RAB40B: variants seen among roughly 807,000 people sequenced by gnomAD.
RAB40B encodes ras-related protein Rab-40B.
RAB40B carries 21 observed loss-of-function variants against 24.0 expected under a neutral mutation model. The ratio of observed to expected loss-of-function variants is 0.88; its 90% CI spans 0.62 to 1.26. RAB40B has a LOEUF of 1.26. Ranked by LOEUF, RAB40B falls within the 50% of genes most tolerant of loss-of-function variation. The pLI is 0.00. For synonymous variants in RAB40B, 167 were observed against 169.8 expected, an observed-to-expected ratio of 0.98 and a Z score of 0.13; for missense variants, 348 against 390.5, an observed-to-expected ratio of 0.89 and a Z score of 0.92.
At chr17:82,680,700 T>C (rs1158664786) in intron 1 of RAB40B, among the ~76,000 whole-genome samples, 1 of 152,186 alleles carries the variant, frequency 6.6e-6, no homozygotes, top group Non-Finnish European at 1.5e-5. Flanking sequence ...TTTAACATTT[T>C]TCATATGAAG....
At chr17:82,664,884 G>A in intron 1 of RAB40B, 1 of 257,620 alleles carries the variant, frequency 3.9e-6, no homozygotes, top group South Asian at 5.3e-5. Flanking sequence ...GTGGCCGCTG[G>A]GTGTGCCCCC....
chr17:82,693,064 G>A (rs2046574494), intron 1 of RAB40B, among the ~76,000 whole-genome samples: 1 of 151,682 alleles, frequency 6.6e-6, no homozygotes, highest in Admixed American at 6.6e-5. Context: ...GTGCAGTGGT[G>A]CGATCTCAGC....
At chr17:82,680,055 C>G (rs982455045) in intron 1 of RAB40B, among the ~76,000 whole-genome samples, 1 of 152,234 alleles carries the variant, frequency 6.6e-6, no homozygotes, top group Non-Finnish European at 1.5e-5. Flanking sequence ...GGCTGGACAT[C>G]TTGTGACCAC....
rs1324272563 is a variant in RAB40B, at chr17:82,675,838, A to G, written c.143-11282T>C. Among the ~76,000 whole-genome samples the G allele has an allele frequency of 6.6e-6, 1 of 152,090 alleles. No homozygotes were observed. Among genetic ancestry groups the G allele is most frequent in the Non-Finnish European group, 1.5e-5 (1 of 68,008 alleles). On this transcript the variant is annotated intron_variant, in intron 1 of 5. Coordinates refer to ENST00000571995, the MANE Select transcript of RAB40B (RefSeq NM_006822.3). The surrounding 1 kb of genome is among the most constrained non-coding windows in gnomAD (Gnocchi z 4.5). ...ACCCGAATTTGGGGGGGTCACAAAC[A>G]TTCACTCTCTTGCAGGCGGGTGGGG... is the stretch of plus-strand genomic sequence containing the variant.
chr17:82,662,169 A>C, intron 2 of RAB40B: 1 of 985,482 alleles, frequency 1.0e-6, no homozygotes, highest in Non-Finnish European at 1.2e-6. Context: ...ACGAGAGAGA[A>C]GGGCCTGGGG....
intron 1 of RAB40B, among the ~76,000 whole-genome samples, chr17:82,683,405 A>C (rs1347471755): frequency 1.3e-5 from 2 of 152,262 alleles, no homozygotes; most frequent in Admixed American, 6.5e-5. Flanking sequence ...ACTTGAAAAC[A>C]CATTTCTGGG....
chr17:82,689,241 G>A (rs975497018), intron 1 of RAB40B, among the ~76,000 whole-genome samples: 1 of 152,254 alleles, frequency 6.6e-6, no homozygotes. Context: ...GAGCAGGTGC[G>A]GCTGGCAGGA....
At chr17:82,679,232 C>T (rs1298670502) in intron 1 of RAB40B, among the ~76,000 whole-genome samples, 3 of 151,608 alleles carry the variant, frequency 2.0e-5, no homozygotes, top group Non-Finnish European at 4.4e-5. Context: ...CCACCTTCTC[C>T]GGTAGCCTGA....
At position 82,657,917 on chromosome 17, in the gene RAB40B, G is replaced by GGC; in HGVS notation, c.782_783insGC (p.Gln264ProfsTer89). On this transcript the variant is annotated frameshift_variant, in exon 6 of 6. Coordinates refer to ENST00000571995, the MANE Select transcript of RAB40B (RefSeq NM_006822.3). LOFTEE classifies it low-confidence loss of function (END_TRUNC). ...AGTTTTTGGGGGGGCTCTGGGGGGGGCGGACGAGCTTCACTTTGCGGAGGC... is the reference window on the plus strand; with the variant it reads ...AGTTTTTGGGGGGGCTCTGGGGGGGGGCCGGACGAGCTTCACTTTGCGGAGGC... 3 of 1,026,166 alleles carry GGC rather than the reference G, an allele frequency of 2.9e-6. No individual in the cohort carries two copies. The highest frequency in any genetic ancestry group is 4.4e-6 in the Non-Finnish European group (3 of 685,688). The allele number at this position is 1,026,166 out of a possible 1,614,324, so 63.6% of individuals were successfully genotyped here.
At chr17:82,664,667 C>T in intron 1 of RAB40B, 111 bp from the exon 2 acceptor site, 2 of 1,074,768 alleles carry the variant, frequency 1.9e-6, no homozygotes, top group Non-Finnish European at 2.7e-6. Context: ...TCCAGGTTTA[C>T]AAGGCAGGCG....
rs1188822836 is a variant in RAB40B, at chr17:82,662,268, G to A, written c.204-1221C>T. The A allele has an allele frequency of 1.3e-5, 13 of 985,476 alleles. No homozygotes were observed. In the East Asian group the frequency reaches 5.7e-4, roughly 43 times the overall value. 61.0% of individuals were successfully genotyped at this position (985,476 alleles called of 1,614,324 possible). ...AGAAGCAAATTGATCTAGAATTCAAGCCTCAGCAGGACCTCAGGTGCTCAG... is the reference window on the plus strand; with the variant it reads ...AGAAGCAAATTGATCTAGAATTCAAACCTCAGCAGGACCTCAGGTGCTCAG... On this transcript the variant is annotated intron_variant, in intron 2 of 5. Coordinates refer to ENST00000571995, the MANE Select transcript of RAB40B (RefSeq NM_006822.3).
chr17:82,661,845 C>T, intron 2 of RAB40B: 1 of 883,510 alleles, frequency 1.1e-6, no homozygotes, highest in Non-Finnish European at 1.3e-6. Context: ...TGATATCGTG[C>T]CACTGCACTC....
chr17:82,671,377 C>G (rs1443514300), intron 1 of RAB40B, among the ~76,000 whole-genome samples: 1 of 150,650 alleles, frequency 6.6e-6, no homozygotes, highest in East Asian at 2.0e-4. Context: ...CACACACTCT[C>G]ACACACATCC....
Position 82,667,360 on chromosome 17 carries a change from C to T in RAB40B, c.143-2804G>A, listed in dbSNP as rs1402616129. Among the ~76,000 whole-genome samples the T allele has an allele frequency of 6.6e-6, 1 of 152,230 alleles. No homozygotes were observed. The highest frequency in any genetic ancestry group is 1.5e-5 in the Non-Finnish European group (1 of 68,038). On this transcript the variant is annotated intron_variant, in intron 1 of 5. Transcript: ENST00000571995. The surrounding 1 kb of genome is among the most constrained non-coding windows in gnomAD (Gnocchi z 4.3). ...CAGGCAGGCCTGGGCGTTGCAGCAG[C>T]TCTGGGCCTCTGTCCTCCACTTTCC...
chr17:82,658,337 C>G, intron 5 of RAB40B, 154 bp downstream of exon 5: 2 of 1,082,370 alleles, frequency 1.8e-6, no homozygotes, highest in South Asian at 3.0e-5. Context: ...TCTGACAAAG[C>G]TGTAGTCATT....
chr17:82,685,223 G>A (rs1428915709), intron 1 of RAB40B, among the ~76,000 whole-genome samples: 1 of 144,006 alleles, frequency 6.9e-6, no homozygotes, highest in Admixed American at 6.9e-5. Context: ...GAATGGGGAG[G>A]GGGAGGGAGG....
rs760524386 is a variant in RAB40B, at chr17:82,657,800, C to G, written c.*63G>C. ...CCGGGATCTGAGATGCATCCACCAG[C>G]TGCCGGGGGTAACGCCGAGCTTCTC... On this transcript the variant is annotated 3_prime_UTR_variant, in exon 6 of 6. Coordinates refer to ENST00000571995, the MANE Select transcript of RAB40B (RefSeq NM_006822.3). 6.3e-7 allele frequency: 1 copy of G among 1,579,480 alleles called. No individual in the cohort carries two copies. Among genetic ancestry groups the G allele is most frequent in the Non-Finnish European group, 8.7e-7 (1 of 1,149,240 alleles).
intron 1 of RAB40B, among the ~76,000 whole-genome samples, chr17:82,695,993 C>T (rs113949319): frequency 3.3e-5 from 5 of 152,180 alleles, no homozygotes; most frequent in African/African-American, 1.2e-4. Context: ...CCTCAGCCTC[C>T]CGAGTAGCTG....
intron 1 of RAB40B, among the ~76,000 whole-genome samples, chr17:82,674,567 A>C (rs2046376980): frequency 6.7e-6 from 1 of 149,394 alleles, no homozygotes; most frequent in East Asian, 2.0e-4. Context: ...TGAACCCAGG[A>C]GGCGGAGCTT....
Sources: gnomAD v4.1 joint callset for allele counts (sites outside exome capture counted in the v4.1 genomes callset) on GRCh38, gnomAD v4.1.1 for gene constraint, Gnocchi (gnomAD v3.1) non-coding constraint, MANE v1.5 for transcripts, NCBI Gene and HGNC (gene_info 2026-07-23, HGNC 2026-07-21) for gene names.